Variants in NREP observed in about 807,000 individuals in gnomAD.
NREP encodes neuronal regeneration-related protein.
Under a neutral mutation model 8.6 loss-of-function variants are expected in NREP, and 5 were observed. The ratio of observed to expected loss-of-function variants is 0.58; its 90% confidence interval spans 0.30 to 1.22. The LOEUF (loss-of-function observed/expected upper bound fraction) is 1.22, where lower values mean the gene tolerates loss of function less well. Ranked by LOEUF, NREP falls within the 50% of genes most tolerant of loss-of-function variation. The probability of loss-of-function intolerance (pLI) is 0.07; values close to 1 mark genes in which losing one functional copy is unlikely to be tolerated. For missense variants in NREP, 86 were observed against 82.5 expected (o/e 1.04, Z -0.17); for synonymous variants, 27 against 28.0 (o/e 0.96, Z 0.11).
intron 2 of NREP, among the ~76,000 whole-genome samples, chr5:111,956,064 C>T (rs974574098): frequency 6.6e-6 from 1 of 151,906 alleles, no homozygotes; most frequent in Non-Finnish European, 1.5e-5. Context: ...CCAAAAAATC[C>T]AGAGCCGAAA....
intron 2 of NREP, among the ~76,000 whole-genome samples, chr5:111,860,188 A>C (rs979907800): frequency 1.3e-5 from 2 of 152,170 alleles, no homozygotes; most frequent in Non-Finnish European, 2.9e-5. Flanking sequence ...GAGTATGTGT[A>C]CTTGGGGAAT....
At chr5:111,906,803 TAAG>T (rs1330895241) in intron 2 of NREP, among the ~76,000 whole-genome samples, 10 of 152,168 alleles carry the variant, frequency 6.6e-5, no homozygotes, top group African/African-American at 2.4e-4. Context: ...ATTTGGCATC[TAAG>T]TATCTTCTTT....
chr5:111,761,748 C>T (rs888785581), upstream of NREP, among the ~76,000 whole-genome samples: 1 of 152,224 alleles, frequency 6.6e-6, no homozygotes, highest in Non-Finnish European at 1.5e-5. Context: ...GGGAAGGTGA[C>T]GCCAAGGAAT....
intron 2 of NREP, among the ~76,000 whole-genome samples, chr5:111,937,671 G>GA (rs1302675532): frequency 6.6e-6 from 1 of 151,960 alleles, no homozygotes; most frequent in Non-Finnish European, 1.5e-5. Flanking sequence ...TTCCCCAAAG[G>GA]AAAAATCTGC....
At chr5:111,782,311 A>G (rs1751511858) in intron 2 of NREP, among the ~76,000 whole-genome samples, 1 of 152,218 alleles carries the variant, frequency 6.6e-6, no homozygotes, top group Non-Finnish European at 1.5e-5. Context: ...GTGACTAATA[A>G]ATTCATCATA....
At chr5:111,742,979 T>TTAAG (rs1197974212) in intron 2 of NREP, among the ~76,000 whole-genome samples, 1 of 152,150 alleles carries the variant, frequency 6.6e-6, no homozygotes, top group African/African-American at 2.4e-5. Flanking sequence ...ACTCAAGGAA[T>TTAAG]TAAGTTCAGC....
intron 2 of NREP, among the ~76,000 whole-genome samples, chr5:111,876,728 A>C (rs75819964): frequency 0.019 from 2,923 of 152,336 alleles, 47 homozygotes; most frequent in Non-Finnish European, 0.027. Flanking sequence ...CATTAATCAA[A>C]TTTTATTCAT....
intron 2 of NREP, among the ~76,000 whole-genome samples, chr5:111,858,645 G>A (rs546091905): frequency 2.2e-4 from 34 of 152,230 alleles, no homozygotes; most frequent in African/African-American, 7.7e-4. Context: ...TTGAGACCCT[G>A]ACTCAAAAGA....
At chr5:111,804,818 G>A (rs369365110) in intron 2 of NREP, among the ~76,000 whole-genome samples, 16 of 152,192 alleles carry the variant, frequency 1.1e-4, no homozygotes, top group Middle Eastern at 3.4e-3. Flanking sequence ...TGGCTAACAC[G>A]GAGAAACCCC....
At chr5:111,926,560 G>A (rs746844038) in intron 2 of NREP, among the ~76,000 whole-genome samples, 3 of 152,056 alleles carry the variant, frequency 2.0e-5, no homozygotes, top group African/African-American at 4.8e-5. Context: ...GGTCAGGTTT[G>A]TCTGTCCCCA....
rs1581164680 is a variant in NREP at position 111,850,141 on chromosome 5, A to G, written c.136-114634T>C. ...CTTCTTCATGACAAGTTCCGTGTCT[A>G]CCTCTCTACAGCTTATAATCTATCT... On this transcript the variant is annotated intron_variant, in intron 2 of 3. Transcript: ENST00000395634. Among the ~76,000 whole-genome samples, 3 of 152,176 alleles carry G rather than the reference A, an allele frequency of 2.0e-5. No homozygotes were observed. The South Asian group carries it at 6.2e-4, about 32-fold the overall frequency.
At chr5:111,765,992 C>G (rs1159469563) in intron 2 of NREP, among the ~76,000 whole-genome samples, 1 of 141,322 alleles carries the variant, frequency 7.1e-6, no homozygotes, top group African/African-American at 2.6e-5. Flanking sequence ...CCACCACATA[C>G]TGATAATGAA....
At chr5:111,827,398 G>A (rs1201811698) in intron 2 of NREP, among the ~76,000 whole-genome samples, 1 of 152,208 alleles carries the variant, frequency 6.6e-6, no homozygotes, top group East Asian at 1.9e-4. Context: ...TTGTCATGAA[G>A]ACAAGGATCA....
intron 2 of NREP, among the ~76,000 whole-genome samples, chr5:111,769,724 T>C (rs1226232916): frequency 6.6e-6 from 1 of 152,150 alleles, no homozygotes. Flanking sequence ...CGTCTTACTA[T>C]GGTGGAGCAG....
chr5:111,812,310 C>T (rs1273461497), intron 2 of NREP, among the ~76,000 whole-genome samples: 3 of 151,982 alleles, frequency 2.0e-5, no homozygotes, highest in Non-Finnish European at 4.4e-5. Flanking sequence ...AACAAACAAA[C>T]AAACAATCAA....
chr5:111,885,709 C>G (rs1272123192), intron 2 of NREP, among the ~76,000 whole-genome samples: 2 of 152,158 alleles, frequency 1.3e-5, no homozygotes, highest in Non-Finnish European at 2.9e-5. Context: ...CTGACAAAAA[C>G]AAGCAATGGG....
At chr5:111,960,898 T>G (rs1233884181) in intron 2 of NREP, among the ~76,000 whole-genome samples, 1 of 152,224 alleles carries the variant, frequency 6.6e-6, no homozygotes, top group African/African-American at 2.4e-5. Context: ...ATGTAAAGAC[T>G]ATAAAGTAAT....
chr5:111,858,217 G>C (rs1399354589), intron 2 of NREP, among the ~76,000 whole-genome samples: 1 of 152,104 alleles, frequency 6.6e-6, no homozygotes, highest in Non-Finnish European at 1.5e-5. Flanking sequence ...CAGCCTCCCA[G>C]GTGATTCTGA....
chr5:111,779,097 T>C (rs1751430816), intron 2 of NREP, among the ~76,000 whole-genome samples: 1 of 152,194 alleles, frequency 6.6e-6, no homozygotes, highest in African/African-American at 2.4e-5. Flanking sequence ...ATTTGAAATA[T>C]ATGAAAAGAA....
Sources: allele counts gnomAD v4.1 joint callset (sites outside exome capture counted in the v4.1 genomes callset), GRCh38; gene constraint gnomAD v4.1.1; transcripts MANE v1.5; gene names NCBI Gene and HGNC (gene_info 2026-07-23, HGNC 2026-07-21).